PTPRT: variants seen among roughly 807,000 people sequenced by gnomAD.
PTPRT encodes the protein protein tyrosine phosphatase receptor type T.
PTPRT carries 56 observed loss-of-function variants against 176.8 expected under a neutral mutation model. The ratio of observed to expected loss-of-function variants is 0.32; its 90% confidence interval spans 0.26 to 0.40. PTPRT has a LOEUF of 0.40. Ranked by LOEUF, PTPRT falls within the 10% of genes least tolerant of loss-of-function variation. The probability of loss-of-function intolerance (pLI) is 1.00; values close to 1 mark genes in which losing one functional copy is unlikely to be tolerated. For missense variants in PTPRT, 1,540 were observed against 1,908.2 expected (o/e 0.81, Z 3.60); for synonymous variants, 783 against 739.0 (o/e 1.06, Z -0.96).
intron 7 of PTPRT, among the ~76,000 whole-genome samples, chr20:42,661,559 G>A (rs993749951): frequency 1.2e-4 from 18 of 152,006 alleles, no homozygotes; most frequent in Admixed American, 1.0e-3. Flanking sequence ...TCCATTTTCC[G>A]CCCTAAGCCC....
In PTPRT at chr20:42,668,858, ATTTTTTTTTT is replaced by A. The variant is rs755121515; in HGVS notation, c.1153+8998_1153+9007del. 6.2e-4 allele frequency among the ~76,000 whole-genome samples: 50 copies of A among 81,298 alleles called. 1 individual carries two copies. The highest frequency in any genetic ancestry group is 0.015 in the Middle Eastern group (1 of 66). The allele number at this position is 81,298 out of a possible 152,430, so 53.3% of individuals were successfully genotyped here. A position where few individuals can be genotyped will look rare whatever the true frequency, so the allele number is the denominator to read the frequency against. ...AGGCGCCCGCCACCACGCCCAGCTA[ATTTTTTTTTT>A]TTTTTTTTTTTTTTTGTATTTTTAG... On this transcript the variant is annotated intron_variant, in intron 7 of 30. Transcript: ENST00000373187.
rs1279756562 is a variant in PTPRT, at chr20:42,972,657, GA to G, written c.89-86726del. On this transcript the variant is annotated intron_variant, in intron 1 of 30. Coordinates refer to ENST00000373187, the MANE Select transcript of PTPRT (RefSeq NM_007050.6). ...TGCACTCCAGCCTGGGCAACAGAATGAGACTCCGTCTCAAAAAGCAAAAAAA... is the reference window on the plus strand; with the variant it reads ...TGCACTCCAGCCTGGGCAACAGAATGGACTCCGTCTCAAAAAGCAAAAAAA... Among the ~76,000 whole-genome samples the G allele has an allele frequency of 3.6e-5, 4 of 111,482 alleles. No individual in the cohort carries two copies. In the Admixed American group the frequency reaches 5.0e-4, roughly 14 times the overall value. 73.1% of individuals were successfully genotyped at this position (111,482 alleles called of 152,430 possible). A position where few individuals can be genotyped will look rare whatever the true frequency, so the allele number is the denominator to read the frequency against.
Position 42,848,906 on chromosome 20 carries a change from G to GT in PTPRT, c.214+36900dup, listed in dbSNP as rs200765977. Among the ~76,000 whole-genome samples, 1,004 of 152,188 alleles carry GT rather than the reference G, an allele frequency of 6.6e-3. 19 individuals are homozygous for GT. Among genetic ancestry groups the GT allele is most frequent in the African/African-American group, 0.022 (931 of 41,504 alleles). On this transcript the variant is annotated intron_variant, in intron 2 of 30. Coordinates refer to ENST00000373187, the MANE Select transcript of PTPRT (RefSeq NM_007050.6). ...TTTGCTTAAGCCAATGTCTAGAAGG[G>GT]TTTTTTCCGATGTTATCTTCTAGAA...
chr20:42,332,327 A>G (rs1243657818), intron 11 of PTPRT, among the ~76,000 whole-genome samples: 2 of 152,030 alleles, frequency 1.3e-5, no homozygotes, highest in African/African-American at 4.8e-5. Context: ...CTCCTGCCTC[A>G]GCCTCCCGAG....
At chr20:42,042,115 C>T in the PTPRT span, among the ~76,000 whole-genome samples, 1 of 152,168 alleles carries the variant, frequency 6.6e-6, no homozygotes, top group Non-Finnish European at 1.5e-5. Context: ...CTCTGTTCAC[C>T]CAGGTCCAGC....
intron 7 of PTPRT, among the ~76,000 whole-genome samples, chr20:42,653,637 C>T (rs999940809): frequency 3.3e-5 from 5 of 152,140 alleles, no homozygotes; most frequent in African/African-American, 9.7e-5. Flanking sequence ...CTGCATTCTA[C>T]CTTTGAGAGT....
chr20:42,896,869 T>C (rs1024847693), intron 1 of PTPRT, among the ~76,000 whole-genome samples: 3 of 152,166 alleles, frequency 2.0e-5, no homozygotes, highest in African/African-American at 7.2e-5. Flanking sequence ...TGGGGCTTAT[T>C]AATTGTGAAC....
At chr20:42,278,966 G>C (rs1216163522) in intron 13 of PTPRT, among the ~76,000 whole-genome samples, 1 of 152,110 alleles carries the variant, frequency 6.6e-6, no homozygotes, top group African/African-American at 2.4e-5. Flanking sequence ...GGTTCTAAAT[G>C]ATTCCCCTGC....
chr20:42,867,064 T>A (rs2078758560), intron 2 of PTPRT, among the ~76,000 whole-genome samples: 1 of 152,256 alleles, frequency 6.6e-6, no homozygotes, highest in Non-Finnish European at 1.5e-5. Context: ...CCACATACTT[T>A]GAGGTATCTC....
intron 12 of PTPRT, among the ~76,000 whole-genome samples, chr20:42,305,556 A>C (rs1009005494): frequency 6.6e-6 from 1 of 152,094 alleles, no homozygotes; most frequent in Admixed American, 6.6e-5. Context: ...CACCAAAGAT[A>C]CTTCAAAGTT....
chr20:42,881,966 T>C (rs2079019249), intron 2 of PTPRT, among the ~76,000 whole-genome samples: 1 of 152,072 alleles, frequency 6.6e-6, no homozygotes, highest in South Asian at 2.1e-4. Context: ...TTATAGGCCA[T>C]GACAAGGATT....
At chr20:42,660,636 C>T (rs2075206074) in intron 7 of PTPRT, among the ~76,000 whole-genome samples, 1 of 152,116 alleles carries the variant, frequency 6.6e-6, no homozygotes, top group African/African-American at 2.4e-5. Context: ...ACATTTGTCT[C>T]CACAACATTC....
intron 7 of PTPRT, among the ~76,000 whole-genome samples, chr20:42,670,652 G>A (rs951474180): frequency 9.9e-5 from 15 of 152,136 alleles, no homozygotes; most frequent in Non-Finnish European, 1.6e-4. Context: ...GTCTCTGGCT[G>A]TACAAAGCCA....
At chr20:42,044,987 C>T in the PTPRT span, among the ~76,000 whole-genome samples, 1 of 152,172 alleles carries the variant, frequency 6.6e-6, no homozygotes, top group African/African-American at 2.4e-5. Flanking sequence ...GCAGTGTCAC[C>T]TGAGTCGTCC....
At chr20:42,109,185 G>C (rs548129290) in intron 23 of PTPRT, among the ~76,000 whole-genome samples, 1 of 152,182 alleles carries the variant, frequency 6.6e-6, no homozygotes, top group Non-Finnish European at 1.5e-5. Context: ...GACGGGGCTG[G>C]CTCTGAGACA....
At chr20:43,043,171 C>T (rs904478754) in intron 1 of PTPRT, among the ~76,000 whole-genome samples, 1 of 152,122 alleles carries the variant, frequency 6.6e-6, no homozygotes, top group African/African-American at 2.4e-5. Flanking sequence ...TGGTCCCCTG[C>T]AAGTTGAAGT....
intron 7 of PTPRT, among the ~76,000 whole-genome samples, chr20:42,664,116 G>A (rs750394643): frequency 1.9e-4 from 29 of 152,158 alleles, no homozygotes; most frequent in Non-Finnish European, 3.4e-4. Flanking sequence ...TAATATGATA[G>A]ATAAAATGCA....
intron 7 of PTPRT, among the ~76,000 whole-genome samples, chr20:42,535,091 C>G (rs1312832152): frequency 1.3e-5 from 2 of 152,070 alleles, no homozygotes; most frequent in Non-Finnish European, 2.9e-5. Context: ...AAATAAGGCG[C>G]TGTTACCAAA....
At chr20:42,508,134 T>C (rs2071882677) in intron 7 of PTPRT, among the ~76,000 whole-genome samples, 1 of 151,214 alleles carries the variant, frequency 6.6e-6, no homozygotes. Flanking sequence ...TTTTTGTGTG[T>C]GTGTGTGTGT....
Sources: gnomAD v4.1 joint callset for allele counts (sites outside exome capture counted in the v4.1 genomes callset) on GRCh38, gnomAD v4.1.1 for gene constraint, MANE v1.5 for transcripts, NCBI Gene and HGNC (gene_info 2026-07-23, HGNC 2026-07-21) for gene names.